Variants in SOAT1 observed in about 807,000 individuals in gnomAD.
SOAT1 encodes the protein acyl-coenzyme A:cholesterol acyltransferase 1.
Under a neutral mutation model 69.5 loss-of-function variants are expected in SOAT1, and 55 were observed. The ratio of observed to expected loss-of-function variants is 0.79; its 90% confidence interval spans 0.64 to 0.99. SOAT1 has a LOEUF of 0.99. Ranked by LOEUF, SOAT1 falls within the 50% of genes least tolerant of loss-of-function variation. The probability of loss-of-function intolerance (pLI) is 0.00; values close to 1 mark genes in which losing one functional copy is unlikely to be tolerated. For synonymous variants in SOAT1, 231 were observed against 224.7 expected (o/e 1.03, Z -0.25); for missense variants, 580 against 669.3 (o/e 0.87, Z 1.47).
At chr1:179,323,301 G>A (rs1665670300) in intron 2 of SOAT1, 136 bp from the exon 3 acceptor site, 3 of 617,556 alleles carry the variant, frequency 4.9e-6, no homozygotes, top group African/African-American at 3.7e-5. Flanking sequence ...TTTTGACCAT[G>A]CTGTCGTGTT....
At chr1:179,336,887 C>T (rs1038318100) in intron 4 of SOAT1, among the ~76,000 whole-genome samples, 3 of 151,656 alleles carry the variant, frequency 2.0e-5, no homozygotes, top group African/African-American at 4.8e-5. Flanking sequence ...CCCAGCTACT[C>T]GGGAGGCTGA....
chr1:179,349,619 G>T (rs929757052), intron 13 of SOAT1, among the ~76,000 whole-genome samples: 1 of 152,136 alleles, frequency 6.6e-6, no homozygotes, highest in African/African-American at 2.4e-5. Context: ...GAGCCACCGT[G>T]CCCGGGTGAG....
At chr1:179,294,544 T>C (rs1290955495) in intron 1 of SOAT1, 1 of 152,228 alleles carries the variant, frequency 6.6e-6, no homozygotes, top group Non-Finnish European at 1.5e-5. Context: ...GTCACTTTTG[T>C]TTGTTTGAGA....
At chr1:179,331,234 A>G (rs1665960985) in intron 3 of SOAT1, among the ~76,000 whole-genome samples, 2 of 152,210 alleles carry the variant, frequency 1.3e-5, no homozygotes, top group Admixed American at 1.3e-4. Flanking sequence ...TGATTTCATC[A>G]CTTACAAAAG....
intron 8 of SOAT1, 30 bp downstream of exon 8, chr1:179,342,222 TCCTCCCCTCC>T (rs751596124): frequency 6.5e-7 from 1 of 1,544,304 alleles, no homozygotes; most frequent in South Asian, 1.1e-5. Flanking sequence ...CATTATTTCT[TCCTCCCCTCC>T]CCTCCTCTCC....
intron 2 of SOAT1, among the ~76,000 whole-genome samples, chr1:179,316,987 T>C (rs930264795): frequency 2.6e-5 from 4 of 152,134 alleles, no homozygotes; most frequent in Admixed American, 6.6e-5. Flanking sequence ...ATGTTTACAA[T>C]ATATTAAGTG....
At chr1:179,345,469 G>A (rs1666495500) in intron 11 of SOAT1, among the ~76,000 whole-genome samples, 1 of 152,116 alleles carries the variant, frequency 6.6e-6, no homozygotes, top group Non-Finnish European at 1.5e-5. Flanking sequence ...TCCAGTGGAT[G>A]GATTAAGATG....
rs1666960844 is a variant in SOAT1, at chr1:179,357,935, T to C, written c.*4294T>C. 1.4e-5 allele frequency: 2 copies of C among 142,898 alleles called. No individual in the cohort carries two copies. The highest frequency in any genetic ancestry group is 3.2e-5 in the Non-Finnish European group (2 of 63,294). 8.9% of individuals were successfully genotyped at this position (142,898 alleles called of 1,614,324 possible). On this transcript the variant is annotated 3_prime_UTR_variant, in exon 16 of 16. Transcript: ENST00000367619. Reference sequence around the variant, plus strand: ...ATGGGCAACAGAGCGAGACCCTGTCTCAAAAAAAAAATTACATATAAGCCC... The same window carrying C: ...ATGGGCAACAGAGCGAGACCCTGTCCCAAAAAAAAAATTACATATAAGCCC...
Position 179,357,945 on chromosome 1 carries a change from A to AC in SOAT1, c.*4304_*4305insC, listed in dbSNP as rs1046720230. 1 of 152,102 alleles carries AC rather than the reference A, an allele frequency of 6.6e-6. No individual in the cohort carries two copies. The highest frequency in any genetic ancestry group is 2.1e-4 in the South Asian group (1 of 4,808). The allele number at this position is 152,102 out of a possible 1,614,324, so 9.4% of individuals were successfully genotyped here. ...GAGCGAGACCCTGTCTCAAAAAAAA[A>AC]ATTACATATAAGCCCGGTTTAAAGA... is the stretch of plus-strand genomic sequence containing the variant. On this transcript the variant is annotated 3_prime_UTR_variant, in exon 16 of 16. Transcript: ENST00000367619.
rs116224034 is a variant in SOAT1 at position 179,350,954 on chromosome 1, A to G, written c.1451-363A>G. Among the ~76,000 whole-genome samples the G allele has an allele frequency of 7.0e-3, 1,066 of 152,168 alleles. 6 individuals carry two copies. Among genetic ancestry groups the G allele is most frequent in the Middle Eastern group, 0.017 (5 of 292 alleles). ...AGTTGTTGCTCACTGTGATTATTAA[A>G]TAACAGCAGATACCTGAGGTCCCTC... is the stretch of plus-strand genomic sequence containing the variant. On this transcript the variant is annotated intron_variant, in intron 14 of 15. Coordinates refer to ENST00000367619, the MANE Select transcript of SOAT1 (RefSeq NM_003101.6).
chr1:179,306,722 C>G (rs1665016803), intron 2 of SOAT1, among the ~76,000 whole-genome samples: 1 of 149,814 alleles, frequency 6.7e-6, no homozygotes, highest in South Asian at 2.1e-4. Context: ...GTCCCAGCTA[C>G]TGGGAGGCTG....
chr1:179,353,048 A>G (rs1345491284), intron 15 of SOAT1, among the ~76,000 whole-genome samples: 1 of 146,674 alleles, frequency 6.8e-6, no homozygotes, highest in East Asian at 2.0e-4. Flanking sequence ...TAAACCTTGT[A>G]TTAGTCATTT....
intron 1 of SOAT1, among the ~76,000 whole-genome samples, chr1:179,301,247 C>T (rs746352776): frequency 3.3e-5 from 5 of 152,202 alleles, no homozygotes; most frequent in Non-Finnish European, 5.9e-5. Flanking sequence ...AAACACATGG[C>T]TTTAGAGTAA....
At chr1:179,300,316 C>T (rs1281732515) in intron 1 of SOAT1, among the ~76,000 whole-genome samples, 1 of 152,134 alleles carries the variant, frequency 6.6e-6, no homozygotes, top group Non-Finnish European at 1.5e-5. Context: ...TCTTACTTCT[C>T]TCATCATTTC....
chr1:179,294,203 A>G (rs576156555), intron 1 of SOAT1: 30 of 152,348 alleles, frequency 2.0e-4, no homozygotes, highest in African/African-American at 7.2e-4. Flanking sequence ...CTCTCAAGTC[A>G]GTAGTAAAGA....
At chr1:179,323,045 C>CTTTTTTTTTTTTTTTTTTTTCT (rs36045111) in intron 2 of SOAT1, among the ~76,000 whole-genome samples, 1 of 126,740 alleles carries the variant, frequency 7.9e-6, no homozygotes, top group Non-Finnish European at 1.6e-5. Flanking sequence ...TCTTTTCTTT[C>CTTTTTTTTTTTTTTTTTTTTCT]TTTTTTTTTT....
At chr1:179,330,284 C>T (rs1041398417) in intron 3 of SOAT1, among the ~76,000 whole-genome samples, 5 of 152,060 alleles carry the variant, frequency 3.3e-5, no homozygotes, top group African/African-American at 1.2e-4. Context: ...GTGGGGGTCA[C>T]AGGACCAGTC....
In SOAT1 at chr1:179,344,819, T is replaced by C. The variant is rs1473594029; in HGVS notation, c.988-128T>C. On this transcript the variant is annotated intron_variant, in intron 10 of 15. Coordinates refer to ENST00000367619, the MANE Select transcript of SOAT1 (RefSeq NM_003101.6). Reference sequence around the variant, plus strand: ...GGATTATAGCAGTCTTCTATACTAGTGTTAAATGGAATACATATGCGAACA... The same window carrying C: ...GGATTATAGCAGTCTTCTATACTAGCGTTAAATGGAATACATATGCGAACA... The C allele has an allele frequency of 3.8e-6, 3 of 795,190 alleles. No individual in the cohort carries two copies. The African/African-American group carries it at 5.2e-5, about 14-fold the overall frequency. 49.3% of individuals were successfully genotyped at this position (795,190 alleles called of 1,614,324 possible).
chr1:179,353,248 T>C (rs1666809475), intron 15 of SOAT1, among the ~76,000 whole-genome samples: 1 of 135,156 alleles, frequency 7.4e-6, no homozygotes. Flanking sequence ...TTAACCACCA[T>C]TTAGATTTTA....
Sources: allele counts gnomAD v4.1 joint callset (sites outside exome capture counted in the v4.1 genomes callset), GRCh38; gene constraint gnomAD v4.1.1; transcripts MANE v1.5; gene names NCBI Gene and HGNC (gene_info 2026-07-23, HGNC 2026-07-21).